Variants in HMGXB4 observed in about 807,000 individuals in gnomAD.
HMGXB4 encodes the protein HMG-box containing 4.
Under a neutral mutation model 63.9 loss-of-function variants are expected in HMGXB4, and 27 were observed. The observed-to-expected ratio is 0.42, with a 90% CI of 0.31 to 0.58. The LOEUF (loss-of-function observed/expected upper bound fraction) is 0.58, where lower values mean the gene tolerates loss of function less well. Ranked by LOEUF, HMGXB4 falls within the 20% of genes least tolerant of loss-of-function variation. The pLI, the probability that HMGXB4 is intolerant of heterozygous loss-of-function variation, is 0.13. For missense variants in HMGXB4, 624 were observed against 700.7 expected (o/e 0.89, Z 1.24); for synonymous variants, 264 against 265.3 (o/e 0.99, Z 0.05).
intron 10 of HMGXB4, 100 bp from the exon 11 acceptor site, chr22:35,293,507 T>C: frequency 1.2e-6 from 1 of 813,096 alleles, no homozygotes; most frequent in Admixed American, 2.0e-5. Flanking sequence ...TTTTTCTAAC[T>C]CCATTTGATT....
chr22:35,277,771 G>A (rs1013784404), intron 5 of HMGXB4, among the ~76,000 whole-genome samples: 26 of 151,972 alleles, frequency 1.7e-4, no homozygotes, highest in African/African-American at 3.9e-4. Context: ...TATATCCCCC[G>A]TCCCACACAT....
chr22:35,280,799 A>G (rs1267489990), intron 5 of HMGXB4, among the ~76,000 whole-genome samples: 1 of 152,122 alleles, frequency 6.6e-6, no homozygotes, highest in South Asian at 2.1e-4. Context: ...TCCTCTGCCT[A>G]GAACACTCTT....
intron 1 of HMGXB4, 72 bp from the exon 2 acceptor site, chr22:35,262,251 A>C (rs769451358): frequency 1.2e-6 from 1 of 826,326 alleles, no homozygotes; most frequent in Non-Finnish European, 2.1e-6. Flanking sequence ...ATCACTGCGC[A>C]TTTCCATCTG....
In HMGXB4 at chr22:35,265,173, C is replaced by T. The variant is rs1923131668; in HGVS notation, c.785C>T (p.Pro262Leu). 1 of 1,614,108 alleles carries T rather than the reference C, an allele frequency of 6.2e-7. No individual in the cohort carries two copies. ...TCATCCTCAGACGCACATTCATCTCCTGGCCCTGAAGGCTGTGGGTCTGAC... is the reference window on the plus strand; with the variant it reads ...TCATCCTCAGACGCACATTCATCTCTTGGCCCTGAAGGCTGTGGGTCTGAC... ...HKSSSDAHSS[P>L]GPEGCGSDAS... is the part of the protein sequence containing the mutation. Residue 262 changes from proline to leucine, a missense_variant, in exon 5 of 11, where the codon CCT (proline) becomes CTT (leucine). Pro to Leu is a moderately conservative substitution (Grantham distance 98). Transcript: ENST00000216106.
At chr22:35,292,791 G>A (rs945733706) in intron 9 of HMGXB4, among the ~76,000 whole-genome samples, 1 of 152,192 alleles carries the variant, frequency 6.6e-6, no homozygotes, top group African/African-American at 2.4e-5. Context: ...CTAGGATTAC[G>A]GAAAGGGAAC....
Position 35,285,227 on chromosome 22 carries a change from G to A in HMGXB4, c.1298-770G>A, listed in dbSNP as rs190568893. On this transcript the variant is annotated intron_variant, in intron 6 of 10. Coordinates refer to ENST00000216106, the MANE Select transcript of HMGXB4 (RefSeq NM_001003681.3). The stretch of plus-strand genomic sequence containing the variant: ...TTGAGAGCAGCTTGGGCAACATAAC[G>A]AGACCTCATCTCTACAAATAATAAT... Among the ~76,000 whole-genome samples, 240 of 152,232 alleles carry A rather than the reference G, an allele frequency of 1.6e-3. 2 individuals carry two copies. The highest frequency in any genetic ancestry group is 9.8e-4 in the Admixed American group (15 of 15,288).
At chr22:35,281,215 A>G (rs1354303431) in intron 5 of HMGXB4, among the ~76,000 whole-genome samples, 1 of 152,244 alleles carries the variant, frequency 6.6e-6, no homozygotes, top group Non-Finnish European at 1.5e-5. Flanking sequence ...TTTATTCAGG[A>G]TCCAATAATT....
At chr22:35,263,042 C>G in intron 2 of HMGXB4, 36 bp from the exon 3 acceptor site, 1 of 1,604,738 alleles carries the variant, frequency 6.2e-7, no homozygotes, top group Non-Finnish European at 8.5e-7. Context: ...ACTTGACTTT[C>G]TCATTTCCTT....
intron 5 of HMGXB4, among the ~76,000 whole-genome samples, chr22:35,282,257 A>G (rs1391651740): frequency 1.3e-5 from 2 of 152,176 alleles, no homozygotes; most frequent in Non-Finnish European, 2.9e-5. Flanking sequence ...GCTTACTGCA[A>G]GCTCCACCTC....
chr22:35,268,532 C>T (rs867862096), intron 5 of HMGXB4, among the ~76,000 whole-genome samples: 13 of 152,052 alleles, frequency 8.5e-5, no homozygotes, highest in Middle Eastern at 3.2e-3. Context: ...ACCTTGATGA[C>T]GGCAGTCCTG....
At chr22:35,267,014 T>C (rs1190919118) in intron 5 of HMGXB4, among the ~76,000 whole-genome samples, 1 of 151,992 alleles carries the variant, frequency 6.6e-6, no homozygotes, top group Non-Finnish European at 1.5e-5. Context: ...AATCTAGGAA[T>C]GGGAATTTAG....
chr22:35,271,183 C>A (rs1005362836), intron 5 of HMGXB4, among the ~76,000 whole-genome samples: 6 of 151,566 alleles, frequency 4.0e-5, no homozygotes, highest in Non-Finnish European at 7.4e-5. Flanking sequence ...ATTGCTTGAA[C>A]CCAGGAGTTC....
chr22:35,273,792 C>T (rs1310211659), intron 5 of HMGXB4, among the ~76,000 whole-genome samples: 1 of 152,092 alleles, frequency 6.6e-6, no homozygotes, highest in Non-Finnish European at 1.5e-5. Flanking sequence ...GTTATAAAAC[C>T]TACAGCTCAT....
the HMGXB4 span, among the ~76,000 whole-genome samples, chr22:35,248,190 C>T: frequency 1.3e-5 from 2 of 152,108 alleles, no homozygotes; most frequent in African/African-American, 2.4e-5. Context: ...CCGTATAGGG[C>T]ACTGTGTTAG....
chr22:35,266,367 C>T (rs1014046248), intron 5 of HMGXB4, among the ~76,000 whole-genome samples: 1 of 152,148 alleles, frequency 6.6e-6, no homozygotes, highest in African/African-American at 2.4e-5. Flanking sequence ...TTCTGGTATT[C>T]TTTTTAGTGT....
intron 5 of HMGXB4, among the ~76,000 whole-genome samples, chr22:35,270,868 A>G (rs1923561904): frequency 6.6e-6 from 1 of 152,222 alleles, no homozygotes; most frequent in Admixed American, 6.5e-5. Flanking sequence ...TAGTGTATAT[A>G]CTGTGGTTTT....
chr22:35,266,545 T>C (rs1333887877), intron 5 of HMGXB4, among the ~76,000 whole-genome samples: 1 of 152,266 alleles, frequency 6.6e-6, no homozygotes, highest in African/African-American at 2.4e-5. Flanking sequence ...TTTGATTTCT[T>C]TCCTCATAAC....
At chr22:35,267,404 A>G (rs921377731) in intron 5 of HMGXB4, among the ~76,000 whole-genome samples, 2 of 152,228 alleles carry the variant, frequency 1.3e-5, no homozygotes, top group African/African-American at 4.8e-5. Context: ...GCCATGGACT[A>G]ATCATCCAGT....
intron 9 of HMGXB4, among the ~76,000 whole-genome samples, chr22:35,289,141 A>T (rs1411916487): frequency 9.7e-6 from 1 of 102,858 alleles, no homozygotes; most frequent in African/African-American, 2.6e-5. Context: ...CTCCATCACA[A>T]AAAAGAAAGA....
Sources: gnomAD v4.1 joint callset for allele counts (sites outside exome capture counted in the v4.1 genomes callset) on GRCh38, gnomAD v4.1.1 for gene constraint, MANE v1.5 for transcripts, NCBI Gene and HGNC (gene_info 2026-07-23, HGNC 2026-07-21) for gene names.